Variants in JAM3 observed in about 807,000 individuals in gnomAD.
JAM3 encodes junctional adhesion molecule C.
JAM3 carries 31 observed loss-of-function variants against 39.4 expected under a neutral mutation model. That is an observed-to-expected ratio of 0.79 (90% CI 0.59 to 1.06). JAM3 has a LOEUF of 1.06. Among genes scored for constraint, JAM3 ranks in the 50% least tolerant of loss-of-function variants. The pLI is 0.00. For synonymous variants in JAM3, 182 were observed against 148.7 expected (o/e 1.22, Z -1.63); for missense variants, 455 against 391.4 (o/e 1.16, Z -1.37).
At position 134,148,646 on chromosome 11, in the gene JAM3, A is replaced by G. The variant is rs1943124663; in HGVS notation, c.812A>G (p.Tyr271Cys). 1 of 1,614,114 alleles carries G rather than the reference A, an allele frequency of 6.2e-7. No individual in the cohort carries two copies. The highest frequency in any genetic ancestry group is 8.5e-7 in the Non-Finnish European group (1 of 1,180,018). Residue 271 changes from tyrosine to cysteine, a missense_variant, in exon 7 of 9, where the codon TAC becomes TGC. Tyr to Cys is a radical substitution (Grantham distance 194, BLOSUM62 -2). Transcript: ENST00000299106. ...ATCTGCTGTGCATACAGACGTGGCT[A>G]CTTCATCAACAATAAACAGGATGGA... ...LGICCAYRRG[Y>C]FINNKQDGES... is the part of the protein sequence containing the mutation.
intron 1 of JAM3, among the ~76,000 whole-genome samples, chr11:134,086,102 G>A (rs1941742351): frequency 6.6e-6 from 1 of 152,184 alleles, no homozygotes; most frequent in Non-Finnish European, 1.5e-5. Context: ...AGAGGTGATT[G>A]TAATTCCCAC....
intron 1 of JAM3, among the ~76,000 whole-genome samples, chr11:134,092,307 G>A (rs1469497999): frequency 1.3e-5 from 2 of 150,882 alleles, no homozygotes; most frequent in Non-Finnish European, 1.5e-5. Context: ...CACCTTAAAC[G>A]TCACTTCCTG....
intron 1 of JAM3, among the ~76,000 whole-genome samples, chr11:134,079,431 G>A (rs919842989): frequency 1.3e-5 from 2 of 152,132 alleles, no homozygotes; most frequent in Admixed American, 1.3e-4. Flanking sequence ...ATGAAGTGCT[G>A]GTTTACTGAA....
intron 1 of JAM3, among the ~76,000 whole-genome samples, chr11:134,079,025 G>A (rs1325259781): frequency 1.6e-5 from 2 of 124,528 alleles, no homozygotes; most frequent in East Asian, 4.8e-4. Context: ...GGCAGTAAGA[G>A]CGAAACTCTG....
intron 1 of JAM3, 60 bp from the exon 2 acceptor site, chr11:134,139,791 C>A: frequency 7.4e-7 from 1 of 1,354,640 alleles, no homozygotes; most frequent in Non-Finnish European, 1.1e-6. Context: ...GACCTCAGTG[C>A]AAGGTTTCTC....
intron 1 of JAM3, among the ~76,000 whole-genome samples, chr11:134,080,505 C>T (rs114776706): frequency 0.021 from 3,266 of 152,132 alleles, 121 homozygotes; most frequent in African/African-American, 0.075. Flanking sequence ...TTCTTGTGAT[C>T]GTTAGTAAGT....
rs1331743484 is a variant in JAM3 at position 134,124,779 on chromosome 11, G to T, written c.77-15072G>T. ...TGTGTCCAGGAGTGTTCAAGGCAGT[G>T]TTAATTATGGCACATAGAACCTCTA... On this transcript the variant is annotated intron_variant, in intron 1 of 8. Transcript: ENST00000299106. Among the ~76,000 whole-genome samples, 4 of 152,184 alleles carry T rather than the reference G, an allele frequency of 2.6e-5. No homozygotes were observed. In the South Asian group the frequency reaches 8.3e-4, roughly 32 times the overall value.
chr11:134,082,790 A>C (rs1293994658), intron 1 of JAM3, among the ~76,000 whole-genome samples: 1 of 152,020 alleles, frequency 6.6e-6, no homozygotes, highest in Non-Finnish European at 1.5e-5. Context: ...ATTTTGGGGG[A>C]TTTATAACCC....
intron 1 of JAM3, among the ~76,000 whole-genome samples, chr11:134,134,398 C>CAAAAAAAAAAAAAA (rs34729848): frequency 6.6e-4 from 21 of 31,918 alleles, no homozygotes; most frequent in East Asian, 1.1e-3. Flanking sequence ...GGATAAATGC[C>CAAAAAAAAAAAAAA]AAAAAAAAAA....
At chr11:134,130,356 C>G (rs1942745886) in intron 1 of JAM3, among the ~76,000 whole-genome samples, 1 of 152,098 alleles carries the variant, frequency 6.6e-6, no homozygotes, top group African/African-American at 2.4e-5. Flanking sequence ...TCTTTTTCCC[C>G]TACTTAAAAT....
At chr11:134,073,579 C>G (rs617391) in intron 1 of JAM3, among the ~76,000 whole-genome samples, 57,613 of 151,962 alleles carry the variant, frequency 0.38, 11,645 homozygotes, top group African/African-American at 0.53. Context: ...TAGTACAACA[C>G]CCATTTATTG....
chr11:134,122,758 G>A (rs1024463953), intron 1 of JAM3, among the ~76,000 whole-genome samples: 82 of 152,218 alleles, frequency 5.4e-4, no homozygotes, highest in Non-Finnish European at 9.4e-4. Flanking sequence ...TGAATTCGCT[G>A]CTATTTCTTT....
At chr11:134,116,683 G>A (rs1463416059) in intron 1 of JAM3, among the ~76,000 whole-genome samples, 2 of 150,970 alleles carry the variant, frequency 1.3e-5, no homozygotes, top group African/African-American at 4.9e-5. Flanking sequence ...ATGGTATATG[G>A]GAAACTAGAC....
At chr11:134,111,288 CCCG>C (rs1942305284) in intron 1 of JAM3, among the ~76,000 whole-genome samples, 1 of 151,682 alleles carries the variant, frequency 6.6e-6, no homozygotes, top group Non-Finnish European at 1.5e-5. Context: ...GGACTACAGG[CCCG>C]CCACCACGCC....
chr11:134,088,376 C>G (rs775333765), intron 1 of JAM3, among the ~76,000 whole-genome samples: 2 of 151,138 alleles, frequency 1.3e-5, no homozygotes, highest in South Asian at 2.1e-4. Flanking sequence ...TAAATGCTTA[C>G]GAAATGCTTG....
chr11:134,110,743 T>C (rs1942292796), intron 1 of JAM3, among the ~76,000 whole-genome samples: 1 of 152,162 alleles, frequency 6.6e-6, no homozygotes, highest in Admixed American at 6.5e-5. Context: ...TTGCTGGATA[T>C]GTTCGCTATT....
chr11:134,096,362 C>T (rs1373213107), intron 1 of JAM3, among the ~76,000 whole-genome samples: 2 of 152,214 alleles, frequency 1.3e-5, no homozygotes, highest in African/African-American at 4.8e-5. Context: ...TGATCATCTT[C>T]TTGGTCTGTT....
intron 1 of JAM3, among the ~76,000 whole-genome samples, chr11:134,086,951 T>G (rs1471181808): frequency 6.6e-6 from 1 of 152,150 alleles, no homozygotes; most frequent in Middle Eastern, 3.4e-3. Flanking sequence ...ACCACAGGGA[T>G]GTACCACCAT....
At chr11:134,091,957 A>G (rs1369635025) in intron 1 of JAM3, among the ~76,000 whole-genome samples, 3 of 151,992 alleles carry the variant, frequency 2.0e-5, no homozygotes, top group Non-Finnish European at 4.4e-5. Flanking sequence ...ACAATTCAGT[A>G]TTTGTAATAT....
Sources: allele counts gnomAD v4.1 joint callset (sites outside exome capture counted in the v4.1 genomes callset), GRCh38; gene constraint gnomAD v4.1.1; transcripts MANE v1.5; gene names NCBI Gene and HGNC (gene_info 2026-07-23, HGNC 2026-07-21).